SYNE2: variants seen among roughly 807,000 people sequenced by gnomAD.
SYNE2 encodes nesprin-2.
In SYNE2, 431 loss-of-function variants were observed where a neutral mutation model predicts 856.3. That is an observed-to-expected ratio of 0.50 (90% confidence interval 0.47 to 0.55). The LOEUF (loss-of-function observed/expected upper bound fraction) is 0.55. Ranked by LOEUF, SYNE2 falls within the 20% of genes least tolerant of loss-of-function variation. The pLI is 0.00. For missense variants in SYNE2, 8,129 were observed against 8,023.2 expected, an observed-to-expected ratio of 1.01 and a Z score of -0.50; for synonymous variants, 2,923 against 2,872.3, an observed-to-expected ratio of 1.02 and a Z score of -0.56.
At chr14:63,924,847 T>G (rs1293517685) in intron 2 of SYNE2, among the ~76,000 whole-genome samples, 5 of 127,050 alleles carry the variant, frequency 3.9e-5, no homozygotes, top group Admixed American at 8.6e-5. Context: ...TTTTTTTTTT[T>G]TTTTTTTTTT....
chr14:64,119,454 G>A lies in SYNE2; in HGVS notation c.12868G>A (p.Val4290Ile), dbSNP rs1284991576. The A allele has an allele frequency of 1.9e-6, 3 of 1,614,178 alleles. No individual in the cohort carries two copies. Among genetic ancestry groups the A allele is most frequent in the Non-Finnish European group, 2.5e-6 (3 of 1,180,014 alleles). The change falls in exon 67 of 116, where the codon GTT becomes ATT. Residue 4290 changes from valine (V) to isoleucine (I), a missense_variant. This residue lies in a region of SYNE2 where 5,410 missense variants were observed against 5,284.8 expected (regional missense o/e 1.02). Coordinates refer to ENST00000555002, the MANE Select transcript of SYNE2 (RefSeq NM_182914.3). ...TATGCTAACAGAGATTGAGCACAAG[G>A]TTGCCTTTCTGTTAGAGACTTGCAA... ...QAMLTEIEHK[V>I]AFLLETCKDQ...
intron 45 of SYNE2, among the ~76,000 whole-genome samples, chr14:64,033,566 G>A (rs1047000276): frequency 4.0e-5 from 6 of 151,518 alleles, no homozygotes; most frequent in African/African-American, 1.5e-4. Flanking sequence ...CATGCCTATA[G>A]TCCCAGCTAC....
intron 96 of SYNE2, among the ~76,000 whole-genome samples, chr14:64,181,683 G>A (rs926425193): frequency 7.2e-5 from 11 of 152,146 alleles, no homozygotes; most frequent in Non-Finnish European, 1.6e-4. Flanking sequence ...TGACCAATTT[G>A]AGCTTGACTT....
At position 64,082,353 on chromosome 14, in the gene SYNE2, C is replaced by T. The variant is rs558837291; in HGVS notation, c.11484+773C>T. The stretch of plus-strand genomic sequence containing the variant: ...TGGGATTTTGGGATTTGGAATGCTC[C>T]ACCGGTAAGTATAATACTTACATTC... On this transcript the variant is annotated intron_variant, in intron 57 of 115. Transcript: ENST00000555002. Among the ~76,000 whole-genome samples the T allele has an allele frequency of 8.5e-5, 13 of 152,138 alleles. No homozygotes were observed. The South Asian group carries it at 2.7e-3, about 32-fold the overall frequency.
chr14:64,151,444 AAAG>A (rs1431939169), intron 84 of SYNE2, among the ~76,000 whole-genome samples: 6 of 126,058 alleles, frequency 4.8e-5, no homozygotes, highest in African/African-American at 1.8e-4. Context: ...AAAAAAAAAA[AAAG>A]CTGGGATCCT....
At chr14:64,099,756 A>G (rs571732158) in intron 63 of SYNE2, 3 of 151,974 alleles carry the variant, frequency 2.0e-5, no homozygotes, top group East Asian at 1.9e-4. Flanking sequence ...CTTTTTTTTA[A>G]TTATTATTAT....
chr14:64,181,508 G>A (rs1296825333), intron 96 of SYNE2, among the ~76,000 whole-genome samples: 3 of 152,056 alleles, frequency 2.0e-5, no homozygotes, highest in Admixed American at 6.6e-5. Context: ...CAGCTTTCAC[G>A]GTCTCAGCAT....
rs1335461570 is a variant in SYNE2, at chr14:64,126,341, A to G, written c.13569A>G (p.Glu4523=). The G allele has an allele frequency of 2.5e-6, 4 of 1,613,958 alleles. No homozygotes were observed. The highest frequency in any genetic ancestry group is 3.4e-6 in the Non-Finnish European group (4 of 1,179,808). The change falls in exon 72 of 116, where the codon GAA becomes GAG. Residue 4523 remains glutamate (E), a synonymous_variant. Coordinates refer to ENST00000555002, the MANE Select transcript of SYNE2 (RefSeq NM_182914.3). ...SNLQTQENMT[E]EAYINLDKKL... ...TCTTGATTCAGGAAAATATGACAGAAGAAGCATATATCAATTTGGATAAAA... is the reference window on the plus strand; with the variant it reads ...TCTTGATTCAGGAAAATATGACAGAGGAAGCATATATCAATTTGGATAAAA...
intron 66 of SYNE2, among the ~76,000 whole-genome samples, chr14:64,116,285 C>T (rs1317681565): frequency 6.6e-6 from 1 of 152,058 alleles, no homozygotes; most frequent in Non-Finnish European, 1.5e-5. Flanking sequence ...ATTAAAACAG[C>T]TGTCACATTA....
In SYNE2 at chr14:64,186,286, G is replaced by GT; in HGVS notation, c.17557-135dup. On this transcript the variant is annotated intron_variant, in intron 96 of 115. Coordinates refer to ENST00000555002, the MANE Select transcript of SYNE2 (RefSeq NM_182914.3). The stretch of plus-strand genomic sequence containing the variant: ...CAACTGCAGGCGCTCGTCTTGGGCT[G>GT]TTTCCCATTCAGAAGGTCCCTCCCT... The GT allele has an allele frequency of 4.5e-6, 5 of 1,117,766 alleles. No homozygotes were observed. The South Asian group carries it at 6.3e-5, about 14-fold the overall frequency. 69.2% of individuals were successfully genotyped at this position (1,117,766 alleles called of 1,614,324 possible). A position where few individuals can be genotyped will look rare whatever the true frequency, so the allele number is the denominator to read the frequency against.
intron 103 of SYNE2, among the ~76,000 whole-genome samples, chr14:64,211,513 C>A (rs569621242): frequency 6.6e-6 from 1 of 152,186 alleles, no homozygotes; most frequent in Non-Finnish European, 1.5e-5. Context: ...GATATCAAGG[C>A]TTTTCCATCT....
At chr14:64,134,681 A>C (rs1316414668) in intron 78 of SYNE2, among the ~76,000 whole-genome samples, 1 of 152,210 alleles carries the variant, frequency 6.6e-6, no homozygotes, top group Non-Finnish European at 1.5e-5. Context: ...CACCAGCATT[A>C]TAAAAACATC....
intron 1 of SYNE2, among the ~76,000 whole-genome samples, 161 bp from the exon 2 acceptor site, chr14:63,908,936 AG>A (rs1241367983): frequency 2.0e-5 from 3 of 152,248 alleles, no homozygotes; most frequent in Admixed American, 6.5e-5. Flanking sequence ...TTCAAAAAGA[AG>A]GCATAGTTAC....
intron 64 of SYNE2, among the ~76,000 whole-genome samples, chr14:64,104,777 A>G (rs745908582): frequency 2.6e-5 from 4 of 151,724 alleles, no homozygotes; most frequent in Admixed American, 6.6e-5. Flanking sequence ...GGGCAATTTT[A>G]TTTCCTCTGA....
At chr14:63,824,987 C>T (rs1196739212) in intron 1 of SYNE2, among the ~76,000 whole-genome samples, 1 of 151,728 alleles carries the variant, frequency 6.6e-6, no homozygotes, top group African/African-American at 2.4e-5. Context: ...CAAAAATTAG[C>T]TGGGCAGGAG....
chr14:64,112,775 T>C (rs2097821687), intron 65 of SYNE2, among the ~76,000 whole-genome samples: 1 of 152,200 alleles, frequency 6.6e-6, no homozygotes, highest in Non-Finnish European at 1.5e-5. Flanking sequence ...AAGCTGTTTT[T>C]ATTAGGGAAA....
At chr14:64,143,655 C>T (rs549250391) in intron 82 of SYNE2, 117 bp from the exon 83 acceptor site, 402 of 1,059,260 alleles carry the variant, frequency 3.8e-4, no homozygotes, top group Admixed American at 6.5e-4. Context: ...GAACTCCTGA[C>T]AGGTGCCCCT....
rs574987448 is a variant in SYNE2 at position 64,038,900 on chromosome 14, CTT to C, written c.7221+7546_7221+7547del. 1.8e-3 allele frequency among the ~76,000 whole-genome samples: 270 copies of C among 151,946 alleles called. 3 individuals carry two copies. The highest frequency in any genetic ancestry group is 0.01 in the Middle Eastern group (3 of 294). On this transcript the variant is annotated intron_variant, in intron 45 of 115. Coordinates refer to ENST00000555002, the MANE Select transcript of SYNE2 (RefSeq NM_182914.3). ...AGGGAGAGGGAGAGCACTGTCTCCT[CTT>C]TTGATGGGAGAGAGCGTGAGGAATT...
chr14:63,818,701 CTTT>C (rs142248981), intron 1 of SYNE2, among the ~76,000 whole-genome samples: 3 of 133,836 alleles, frequency 2.2e-5, no homozygotes, highest in Non-Finnish European at 1.6e-5. Flanking sequence ...TTTTTCTTTT[CTTT>C]TTTTTTTTTT....
Sources: allele counts gnomAD v4.1 joint callset (sites outside exome capture counted in the v4.1 genomes callset), GRCh38; gene constraint gnomAD v4.1.1; regional missense constraint gnomAD v4.1.1; transcripts MANE v1.5; gene names NCBI Gene and HGNC (gene_info 2026-07-23, HGNC 2026-07-21).